The following ANKFN1 variants were observed in gnomAD, a reference collection of about 807,000 sequenced individuals.
ANKFN1 encodes ankyrin repeat and fibronectin type III domain containing 1, also known as ankyrin repeat and fibronectin type-III domain-containing protein 1.
ANKFN1 carries 74 observed loss-of-function variants against 108.7 expected under a neutral mutation model. The observed-to-expected ratio is 0.68, with a 90% CI of 0.56 to 0.83. The LOEUF is 0.83. Ranked by LOEUF, ANKFN1 falls within the 40% of genes least tolerant of loss-of-function variation. ANKFN1 has a pLI of 0.00. For missense variants in ANKFN1, 1,505 were observed against 1,382.3 expected (o/e 1.09, Z -1.41); for synonymous variants, 547 against 516.2 (o/e 1.06, Z -0.81).
intron 3 of ANKFN1, among the ~76,000 whole-genome samples, chr17:56,259,335 C>T (rs904671100): frequency 9.2e-5 from 14 of 152,282 alleles, no homozygotes; most frequent in African/African-American, 3.1e-4. Context: ...AGGAGAGTAG[C>T]AGTGGCTGCT....
At chr17:56,492,947 G>A (rs1394524599) in intron 19 of ANKFN1, among the ~76,000 whole-genome samples, 1 of 152,124 alleles carries the variant, frequency 6.6e-6, no homozygotes, top group Non-Finnish European at 1.5e-5. Context: ...AAGAGAATTT[G>A]GATCTGGCCT....
chr17:56,280,700 G>T (rs894714051), intron 3 of ANKFN1, among the ~76,000 whole-genome samples: 9 of 150,468 alleles, frequency 6.0e-5, no homozygotes, highest in Non-Finnish European at 4.4e-5. Flanking sequence ...CAAAATCACG[G>T]AGTTTTTTTT....
chr17:56,466,544 T>C lies in ANKFN1; in HGVS notation c.1746T>C (p.Ala582=). The change falls in exon 15 of 21, where the codon GCT becomes GCC. Residue 582 remains alanine (A), a synonymous_variant. Coordinates refer to ENST00000682825, the MANE Select transcript of ANKFN1 (RefSeq NM_001370326.1). The part of the protein sequence containing the change: ...KSLSTPEEPT[A]LDILLITIQD... ...TATCAACACCTGAGGAGCCAACAGCTTTAGACATTCTACTGATAACCATCC... is the reference window on the plus strand; with the variant it reads ...TATCAACACCTGAGGAGCCAACAGCCTTAGACATTCTACTGATAACCATCC... 6.2e-7 allele frequency: 1 copy of C among 1,612,886 alleles called. No homozygotes were observed. The highest frequency in any genetic ancestry group is 8.5e-7 in the Non-Finnish European group (1 of 1,179,354).
rs185242556 is a variant in ANKFN1, at chr17:56,178,132, A to G, written c.-71+24602A>G. On this transcript the variant is annotated intron_variant, in intron 1 of 20. Coordinates refer to ENST00000682825, the MANE Select transcript of ANKFN1 (RefSeq NM_001370326.1). ...GTCTTCACCAAGTTGAAAAGTCCTAAAAGGTTGTAGGATTCTTCAGAGGGA... is the reference window on the plus strand; with the variant it reads ...GTCTTCACCAAGTTGAAAAGTCCTAGAAGGTTGTAGGATTCTTCAGAGGGA... Among the ~76,000 whole-genome samples the G allele has an allele frequency of 7.9e-5, 12 of 152,228 alleles. No individual in the cohort carries two copies. The East Asian group carries it at 2.3e-3, about 29-fold the overall frequency.
intron 3 of ANKFN1, among the ~76,000 whole-genome samples, chr17:56,270,864 T>C (rs903786616): frequency 1.3e-5 from 2 of 152,042 alleles, no homozygotes; most frequent in African/African-American, 4.8e-5. Flanking sequence ...TTTCTTTCTT[T>C]CTTCAGATAC....
intron 4 of ANKFN1, among the ~76,000 whole-genome samples, chr17:56,076,818 A>T (rs1304483151): frequency 1.3e-5 from 2 of 152,192 alleles, no homozygotes; most frequent in Admixed American, 6.5e-5. Flanking sequence ...GACAAGAAAA[A>T]AAACTAAAAT....
intron 6 of ANKFN1, among the ~76,000 whole-genome samples, chr17:56,357,491 C>T (rs1327630724): frequency 3.3e-5 from 5 of 152,188 alleles, no homozygotes; most frequent in South Asian, 2.1e-4. Context: ...ATATGGAGGG[C>T]CGTGGCCTCT....
chr17:56,087,968 T>C (rs952231702), intron 4 of ANKFN1, among the ~76,000 whole-genome samples: 2 of 150,652 alleles, frequency 1.3e-5, no homozygotes, highest in Admixed American at 6.6e-5. Context: ...GTGTATGTGT[T>C]TGTGTGTGTG....
intron 2 of ANKFN1, among the ~76,000 whole-genome samples, chr17:56,224,356 A>G (rs1313220173): frequency 4.6e-5 from 7 of 152,222 alleles, no homozygotes; most frequent in African/African-American, 1.7e-4. Context: ...AACATAAAAT[A>G]GAATTAATTC....
chr17:56,430,342 G>A lies in ANKFN1; in HGVS notation c.911-9985G>A, dbSNP rs140381909. Among the ~76,000 whole-genome samples the A allele has an allele frequency of 7.9e-5, 12 of 152,200 alleles. No individual in the cohort carries two copies. The East Asian group carries it at 2.3e-3, about 29-fold the overall frequency. ...AAAAAAGGTCACAAACAGAAAAAGA[G>A]GGTAGAATAGCAGTAACCGGGGCAG... is the stretch of plus-strand genomic sequence containing the variant. On this transcript the variant is annotated intron_variant, in intron 8 of 20. Coordinates refer to ENST00000682825, the MANE Select transcript of ANKFN1 (RefSeq NM_001370326.1).
At chr17:56,095,895 C>G (rs1470026017) in intron 4 of ANKFN1, among the ~76,000 whole-genome samples, 1 of 152,196 alleles carries the variant, frequency 6.6e-6, no homozygotes, top group Non-Finnish European at 1.5e-5. Flanking sequence ...AGTGGCCTAA[C>G]TGAGCCCTAG....
Position 56,283,258 on chromosome 17 carries a change from T to G in ANKFN1, c.54-42963T>G, listed in dbSNP as rs529447976. Among the ~76,000 whole-genome samples, 5 of 152,244 alleles carry G rather than the reference T, an allele frequency of 3.3e-5. No homozygotes were observed. The East Asian group carries it at 9.6e-4, about 29-fold the overall frequency. On this transcript the variant is annotated intron_variant, in intron 3 of 20. Transcript: ENST00000682825. ...AGTATAATGGTCTCCAGCTCCATCA[T>G]GTTGCTGCAAAGGACATGATCTCGA...
intron 3 of ANKFN1, among the ~76,000 whole-genome samples, chr17:56,317,163 C>A (rs894544598): frequency 1.2e-4 from 19 of 152,062 alleles, no homozygotes; most frequent in Admixed American, 7.9e-4. Flanking sequence ...TTCTTGACAT[C>A]ATAACATGTT....
At chr17:56,482,760 A>C (rs2050752513) in intron 18 of ANKFN1, 2 of 388,192 alleles carry the variant, frequency 5.2e-6, no homozygotes, top group Non-Finnish European at 8.9e-6. Flanking sequence ...AGGAATTCTA[A>C]ACAGAAAGTT....
chr17:56,382,593 G>T (rs2047138667), intron 8 of ANKFN1, among the ~76,000 whole-genome samples: 1 of 152,176 alleles, frequency 6.6e-6, no homozygotes, highest in Non-Finnish European at 1.5e-5. Context: ...CATCTCACAT[G>T]CAGAGACACA....
intron 6 of ANKFN1, among the ~76,000 whole-genome samples, chr17:56,363,532 C>T (rs1016363087): frequency 3.3e-5 from 5 of 152,106 alleles, no homozygotes; most frequent in Admixed American, 6.6e-5. Context: ...AAAAACTAAA[C>T]ACAGAATTAC....
chr17:56,398,033 T>C (rs911151942), intron 8 of ANKFN1, among the ~76,000 whole-genome samples: 1 of 152,154 alleles, frequency 6.6e-6, no homozygotes, highest in African/African-American at 2.4e-5. Context: ...AATTAGGTCT[T>C]CCTGTTGTAT....
rs915060931 is a variant in ANKFN1, at chr17:56,511,368, A to G, written c.*99A>G. 2.4e-6 allele frequency: 3 copies of G among 1,236,278 alleles called. No homozygotes were observed. Among genetic ancestry groups the G allele is most frequent in the Non-Finnish European group, 3.3e-6 (3 of 918,388 alleles). 76.6% of individuals were successfully genotyped at this position (1,236,278 alleles called of 1,614,324 possible). A position where few individuals can be genotyped will look rare whatever the true frequency, so the allele number is the denominator to read the frequency against. On this transcript the variant is annotated 3_prime_UTR_variant, in exon 21 of 21. Transcript: ENST00000682825. ...CCCACTGTGTACCCACTCATTTTCA[A>G]GCGTTTTGAATGTTATAAATACAAA... is the stretch of plus-strand genomic sequence containing the variant.
At chr17:56,459,504 G>A (rs570457581) in intron 14 of ANKFN1, among the ~76,000 whole-genome samples, 1 of 152,062 alleles carries the variant, frequency 6.6e-6, no homozygotes, top group Non-Finnish European at 1.5e-5. Flanking sequence ...AAAGTGCCTC[G>A]TCCTTTCATC....
Sources: gnomAD v4.1 joint callset for allele counts (sites outside exome capture counted in the v4.1 genomes callset) on GRCh38, gnomAD v4.1.1 for gene constraint, MANE v1.5 for transcripts, NCBI Gene and HGNC (gene_info 2026-07-23, HGNC 2026-07-21) for gene names.